The following ADAM12 variants were observed in gnomAD, a reference collection of about 807,000 sequenced individuals.
ADAM12 encodes the protein disintegrin and metalloproteinase domain-containing protein 12.
Under a neutral mutation model 106.4 loss-of-function variants are expected in ADAM12, and 70 were observed. The ratio of observed to expected loss-of-function variants is 0.66; its 90% CI spans 0.54 to 0.80. The LOEUF (loss-of-function observed/expected upper bound fraction) is 0.80. ADAM12 is among the 30% of genes least tolerant of loss of function. ADAM12 has a pLI of 0.00. For synonymous variants in ADAM12, 420 were observed against 433.5 expected (o/e 0.97, Z 0.39); for missense variants, 1,010 against 1,171.9 (o/e 0.86, Z 2.02).
At chr10:126,257,591 T>C (rs1958918363) in intron 3 of ADAM12, among the ~76,000 whole-genome samples, 3 of 152,080 alleles carry the variant, frequency 2.0e-5, no homozygotes, top group African/African-American at 4.8e-5. Context: ...TCCACAACTA[T>C]AAAGGAAAAT....
intron 11 of ADAM12, chr10:126,090,955 C>G (rs1293061482): frequency 6.6e-6 from 1 of 152,172 alleles, no homozygotes; most frequent in Non-Finnish European, 1.5e-5. Flanking sequence ...TCTGAATCAC[C>G]TTTGGAGCTG....
intron 3 of ADAM12, among the ~76,000 whole-genome samples, chr10:126,256,050 G>A (rs540902003): frequency 2.0e-5 from 3 of 152,270 alleles, no homozygotes; most frequent in East Asian, 3.9e-4. Context: ...AGTCTGCCAC[G>A]GTGGTGCTCA....
chr10:126,104,358 G>A lies in ADAM12; in HGVS notation c.742-3117C>T, dbSNP rs181993104. On this transcript the variant is annotated intron_variant, in intron 8 of 22. Coordinates refer to ENST00000448723, the MANE Select transcript of ADAM12 (RefSeq NM_001288973.2). ...CTAGCTACTCGGGAAGCTGAGGCAG[G>A]AGAATCGCTTGAACCTGGGAGGTGG... Among the ~76,000 whole-genome samples, 9 of 151,624 alleles carry A rather than the reference G, an allele frequency of 5.9e-5. No individual in the cohort carries two copies. The East Asian group carries it at 1.4e-3, about 23-fold the overall frequency.
intron 3 of ADAM12, among the ~76,000 whole-genome samples, chr10:126,155,638 T>C (rs954825498): frequency 6.6e-6 from 1 of 152,174 alleles, no homozygotes; most frequent in African/African-American, 2.4e-5. Flanking sequence ...CACACACATA[T>C]ACTCTTCCAT....
chr10:126,147,262 C>T (rs1187900147), intron 4 of ADAM12, among the ~76,000 whole-genome samples: 2 of 152,134 alleles, frequency 1.3e-5, no homozygotes, highest in Admixed American at 6.5e-5. Flanking sequence ...CCTTTCATTC[C>T]GTGCACCTGG....
chr10:126,211,536 T>C (rs1339860740), intron 3 of ADAM12, among the ~76,000 whole-genome samples: 1 of 152,180 alleles, frequency 6.6e-6, no homozygotes, highest in Non-Finnish European at 1.5e-5. Flanking sequence ...CTCTGGGTCC[T>C]GGACCATGTC....
At chr10:126,194,033 T>A (rs149224253) in intron 3 of ADAM12, among the ~76,000 whole-genome samples, 3 of 152,254 alleles carry the variant, frequency 2.0e-5, no homozygotes, top group African/African-American at 7.2e-5. Context: ...CTGAAATGCG[T>A]TGGAAGCAGT....
At chr10:126,242,644 A>G (rs1033492337) in intron 3 of ADAM12, among the ~76,000 whole-genome samples, 1 of 152,182 alleles carries the variant, frequency 6.6e-6, no homozygotes, top group East Asian at 1.9e-4. Context: ...CTTTTAATGA[A>G]GACCAATTGT....
chr10:126,177,527 AAATCAGTCTGACTCCAG>A (rs1204748002), intron 3 of ADAM12, among the ~76,000 whole-genome samples: 8 of 152,240 alleles, frequency 5.3e-5, no homozygotes, highest in Non-Finnish European at 1.2e-4. Flanking sequence ...ACTGGGACCT[AAATCAGTCTGACTCCAG>A]AATCAGTTTC....
intron 5 of ADAM12, among the ~76,000 whole-genome samples, chr10:126,132,930 T>C (rs1184514481): frequency 6.6e-6 from 1 of 152,070 alleles, no homozygotes; most frequent in Non-Finnish European, 1.5e-5. Context: ...TGGTTTTCCA[T>C]GAAAACTGGC....
intron 3 of ADAM12, among the ~76,000 whole-genome samples, chr10:126,164,460 A>C (rs959156007): frequency 1.2e-4 from 18 of 152,208 alleles, no homozygotes; most frequent in Non-Finnish European, 2.6e-4. Context: ...AAATTACAAA[A>C]TCATTCATAT....
chr10:126,060,454 G>A (rs924606432), intron 14 of ADAM12, among the ~76,000 whole-genome samples: 9 of 152,154 alleles, frequency 5.9e-5, no homozygotes, highest in African/African-American at 1.4e-4. Flanking sequence ...GTCAAGGGCC[G>A]GTGGGGCAAG....
intron 21 of ADAM12, among the ~76,000 whole-genome samples, chr10:126,023,559 C>T (rs1176752092): frequency 6.6e-6 from 1 of 152,214 alleles, no homozygotes; most frequent in Non-Finnish European, 1.5e-5. Context: ...AGAGAATTCT[C>T]TTCCTGACTC....
rs141729591 is a variant in ADAM12, at chr10:126,053,243, C to A, written c.1610-3574G>T. Among the ~76,000 whole-genome samples the A allele has an allele frequency of 7.0e-3, 1,069 of 152,256 alleles. 12 individuals carry two copies. Among genetic ancestry groups the A allele is most frequent in the African/African-American group, 0.024 (1,017 of 41,538 alleles). Reference sequence around the variant, plus strand: ...CTGCTTCCTGTAAAGCCTGCAGAACCAAGAACCAATTAAACCTTTTTTCTT... The same window carrying A: ...CTGCTTCCTGTAAAGCCTGCAGAACAAAGAACCAATTAAACCTTTTTTCTT... On this transcript the variant is annotated intron_variant, in intron 14 of 22. Transcript: ENST00000448723. The surrounding 1 kb of genome is among the most constrained non-coding windows in gnomAD (Gnocchi z 4.6).
intron 21 of ADAM12, among the ~76,000 whole-genome samples, chr10:126,025,820 C>A (rs1330969401): frequency 6.6e-6 from 1 of 152,146 alleles, no homozygotes; most frequent in South Asian, 2.1e-4. Context: ...AGGTAAGATA[C>A]TCCATGAGAA....
rs757197183 is a variant in ADAM12, at chr10:126,118,033, C to G, written c.603+5G>C. ...CAGAAACACAAAATCAGGTATCCCC[C>G]TTACCCTTCTTGCCCATGTCTGAGA... is the stretch of plus-strand genomic sequence containing the variant. On this transcript the variant is annotated splice_donor_5th_base_variant and intron_variant, in intron 6 of 22. Coordinates refer to ENST00000448723, the MANE Select transcript of ADAM12 (RefSeq NM_001288973.2). 6.2e-7 allele frequency: 1 copy of G among 1,613,974 alleles called. No individual in the cohort carries two copies. The highest frequency in any genetic ancestry group is 8.5e-7 in the Non-Finnish European group (1 of 1,179,892).
At chr10:126,038,952 CTTTTTTTTTTT>C (rs34277276) in intron 19 of ADAM12, among the ~76,000 whole-genome samples, 3 of 71,558 alleles carry the variant, frequency 4.2e-5, no homozygotes, top group African/African-American at 1.1e-4. Flanking sequence ...GACACCATTT[CTTTTTTTTTTT>C]TTTTTTTTTT....
intron 4 of ADAM12, among the ~76,000 whole-genome samples, chr10:126,150,623 TG>T (rs1457836607): frequency 6.6e-6 from 1 of 152,170 alleles, no homozygotes. Context: ...CTCTTGACTC[TG>T]GCCAATTGCT....
intron 3 of ADAM12, among the ~76,000 whole-genome samples, chr10:126,235,319 A>C (rs926223878): frequency 2.0e-5 from 3 of 152,200 alleles, no homozygotes; most frequent in African/African-American, 7.2e-5. Context: ...GTGTCGGAGG[A>C]GGCTCCATTG....
Sources: allele counts gnomAD v4.1 joint callset (sites outside exome capture counted in the v4.1 genomes callset), GRCh38; gene constraint gnomAD v4.1.1; non-coding constraint Gnocchi (gnomAD v3.1); transcripts MANE v1.5; gene names NCBI Gene and HGNC (gene_info 2026-07-23, HGNC 2026-07-21).